PSMA3: variants seen among roughly 807,000 people sequenced by gnomAD.
PSMA3 encodes proteasome subunit alpha type-3.
PSMA3 carries 8 observed loss-of-function variants against 40.0 expected under a neutral mutation model. The observed-to-expected ratio is 0.20, with a 90% CI of 0.12 to 0.36. The LOEUF (loss-of-function observed/expected upper bound fraction) is 0.36. Ranked by LOEUF, PSMA3 falls within the 10% of genes least tolerant of loss-of-function variation. PSMA3 has a pLI of 1.00. For synonymous variants in PSMA3, 110 were observed against 100.0 expected, an observed-to-expected ratio of 1.10 and a Z score of -0.59; for missense variants, 219 against 310.6, an observed-to-expected ratio of 0.70 and a Z score of 2.22.
intron 3 of PSMA3, among the ~76,000 whole-genome samples, chr14:58,252,906 T>C (rs1361107306): frequency 6.6e-6 from 1 of 151,952 alleles, no homozygotes; most frequent in African/African-American, 2.4e-5. Context: ...TATTAGGTTT[T>C]ATGCTGGGAG....
At chr14:58,268,281 CTAAG>C (rs1425768745) in intron 8 of PSMA3, 1 of 152,112 alleles carries the variant, frequency 6.6e-6, no homozygotes, top group African/African-American at 2.4e-5. Context: ...CATAACAACT[CTAAG>C]TATTCCACAT....
chr14:58,260,997 A>C lies in PSMA3; in HGVS notation c.454A>C (p.Ile152Leu). 1 of 1,611,560 alleles carries C rather than the reference A, an allele frequency of 6.2e-7. No individual in the cohort carries two copies. The highest frequency in any genetic ancestry group is 8.5e-7 in the Non-Finnish European group (1 of 1,178,022). Residue 152 changes from isoleucine to leucine, a missense_variant, in exon 6 of 11, where the codon ATT becomes CTT. Physicochemically the swap from Ile to Leu is conservative, Grantham distance 5 (BLOSUM62 2). Coordinates refer to ENST00000216455, the MANE Select transcript of PSMA3 (RefSeq NM_002788.4). ...SVNDGAQLYM[I>L]DPSGVSYGYW... ...GAATGACGGTGCGCAACTCTACATG[A>C]TTGACCCATCAGGTGTTTCATACGT...
intron 5 of PSMA3, among the ~76,000 whole-genome samples, chr14:58,259,457 A>G (rs913615304): frequency 6.6e-6 from 1 of 152,004 alleles, no homozygotes; most frequent in Non-Finnish European, 1.5e-5. Flanking sequence ...AGGGATTACA[A>G]GCACCTGCCA....
intron 3 of PSMA3, among the ~76,000 whole-genome samples, chr14:58,255,345 GTACTT>G (rs1890118692): frequency 1.3e-5 from 2 of 152,228 alleles, no homozygotes; most frequent in African/African-American, 4.8e-5. Flanking sequence ...TTTTTGCACA[GTACTT>G]ACTTTTTTTC....
chr14:58,259,885 G>T (rs1890232466), intron 5 of PSMA3, among the ~76,000 whole-genome samples: 1 of 152,106 alleles, frequency 6.6e-6, no homozygotes, highest in South Asian at 2.1e-4. Flanking sequence ...TACTGATGTA[G>T]GAAGGGGTCC....
chr14:58,268,500 C>T (rs531153676), intron 8 of PSMA3, among the ~76,000 whole-genome samples: 9 of 152,220 alleles, frequency 5.9e-5, no homozygotes, highest in African/African-American at 9.6e-5. Context: ...TCCTCCCCTC[C>T]GCCCTCCTAG....
In PSMA3 at chr14:58,263,769, A is replaced by G. The variant is rs751062753; in HGVS notation, c.542A>G (p.Gln181Arg). Residue 181 changes from glutamine to arginine, a missense_variant and splice_region_variant, in exon 7 of 11, where the codon CAG becomes CGG. Gln to Arg is a conservative substitution (Grantham distance 43, BLOSUM62 1). Transcript: ENST00000216455. Reference protein sequence around the residue: ...QAAKTEIEKLQMKEMTCRDIV... With the variant: ...QAAKTEIEKLRMKEMTCRDIV... ...GCAAAGACGGAAATAGAGAAGCTTCAGGTAATAATTAATGCTTGAATTTTT... is the reference window on the plus strand; with the variant it reads ...GCAAAGACGGAAATAGAGAAGCTTCGGGTAATAATTAATGCTTGAATTTTT... 2 of 1,613,506 alleles carry G rather than the reference A, an allele frequency of 1.2e-6. No individual in the cohort carries two copies. The highest frequency in any genetic ancestry group is 1.7e-6 in the Non-Finnish European group (2 of 1,179,528).
At chr14:58,261,172 C>T in intron 6 of PSMA3, 152 bp downstream of exon 6, 1 of 588,106 alleles carries the variant, frequency 1.7e-6, no homozygotes, top group Non-Finnish European at 2.8e-6. Flanking sequence ...ACCTCTTGTC[C>T]AACAGAATTT....
At chr14:58,268,613 A>G (rs1269922375) in intron 8 of PSMA3, 2 of 152,196 alleles carry the variant, frequency 1.3e-5, no homozygotes, top group African/African-American at 4.8e-5. Flanking sequence ...GAAGTCAGAT[A>G]TCTTCCTTGA....
intron 7 of PSMA3, among the ~76,000 whole-genome samples, 156 bp downstream of exon 7, chr14:58,263,926 TA>T (rs113470609): frequency 1.1e-4 from 17 of 151,736 alleles, no homozygotes; most frequent in East Asian, 5.8e-4. Context: ...CTGATGAGCT[TA>T]AAAAAAAATC....
chr14:58,255,864 T>C (rs573061001), intron 3 of PSMA3, among the ~76,000 whole-genome samples: 2 of 152,338 alleles, frequency 1.3e-5, no homozygotes, highest in Admixed American at 6.5e-5. Flanking sequence ...GTTTTTGTTT[T>C]TGTTTTTGTT....
chr14:58,265,152 G>T (rs1334732211), intron 7 of PSMA3: 1 of 152,196 alleles, frequency 6.6e-6, no homozygotes, highest in Non-Finnish European at 1.5e-5. Flanking sequence ...CAGCTACTTG[G>T]GAGGCTGAGG....
rs191895929 is a variant in PSMA3, at chr14:58,247,567, G to A, written c.22-183G>A. Among the ~76,000 whole-genome samples the A allele has an allele frequency of 1.8e-4, 27 of 152,260 alleles. No homozygotes were observed. In the East Asian group the frequency reaches 5.0e-3, roughly 28 times the overall value. ...CCATTACTCTTCAATAGCTGAAATC[G>A]AAGGTATATAGCTTTATCTTAGCTA... On this transcript the variant is annotated intron_variant, in intron 1 of 10. Transcript: ENST00000216455.
At chr14:58,266,018 C>G in intron 7 of PSMA3, 1 of 152,184 alleles carries the variant, frequency 6.6e-6, no homozygotes, top group East Asian at 1.9e-4. Flanking sequence ...AGTCCATAAT[C>G]AAACTGCCTA....
intron 2 of PSMA3, among the ~76,000 whole-genome samples, chr14:58,249,271 CT>C (rs143479890): frequency 0.035 from 5,363 of 151,866 alleles, 138 homozygotes; most frequent in Middle Eastern, 0.075. Flanking sequence ...AAAAGTTCTT[CT>C]TTTTAAAGAT....
chr14:58,260,974 A>C lies in PSMA3; in HGVS notation c.431A>C (p.Asn144Thr). 4 of 1,612,974 alleles carry C rather than the reference A, an allele frequency of 2.5e-6. No individual in the cohort carries two copies. Among genetic ancestry groups the C allele is most frequent in the Non-Finnish European group, 3.4e-6 (4 of 1,179,196 alleles). ...CSFMLGSYSV[N>T]DGAQLYMIDP... is the part of the protein sequence containing the mutation. ...TTCATGTTAGGGTCTTACAGTGTGA[A>C]TGACGGTGCGCAACTCTACATGATT... The change falls in exon 6 of 11, where the codon AAT becomes ACT. Residue 144 changes from asparagine (N) to threonine (T), a missense_variant. By Grantham distance (65) the Asn-to-Thr change is moderately conservative. Coordinates refer to ENST00000216455, the MANE Select transcript of PSMA3 (RefSeq NM_002788.4).
At position 58,245,001 on chromosome 14, in the gene PSMA3, C is replaced by T. The variant is rs999487934; in HGVS notation, c.21+60C>T. 6.8e-6 allele frequency: 11 copies of T among 1,611,214 alleles called. No individual in the cohort carries two copies. In the Admixed American group the frequency reaches 1.7e-4, roughly 24 times the overall value. On this transcript the variant is annotated intron_variant, in intron 1 of 10. Coordinates refer to ENST00000216455, the MANE Select transcript of PSMA3 (RefSeq NM_002788.4). Reference sequence around the variant, plus strand: ...CTAAGGATTGGGGTTGAAGGGAACTCGGACAGACCACATGGGGTTCGCGGA... The same window carrying T: ...CTAAGGATTGGGGTTGAAGGGAACTTGGACAGACCACATGGGGTTCGCGGA...
In PSMA3 at chr14:58,260,243, A is replaced by G. The variant is rs955540243; in HGVS notation, c.405-705A>G. 3.3e-5 allele frequency among the ~76,000 whole-genome samples: 5 copies of G among 152,186 alleles called. 1 individual carries two copies. The highest frequency in any genetic ancestry group is 9.7e-5 in the African/African-American group (4 of 41,436). On this transcript the variant is annotated intron_variant, in intron 5 of 10. Coordinates refer to ENST00000216455, the MANE Select transcript of PSMA3 (RefSeq NM_002788.4). ...ATATAACCTGTGCATATCCTCCTGT[A>G]TGTTGTCATCTCTAGATTACTTGCA... is the stretch of plus-strand genomic sequence containing the variant.
intron 2 of PSMA3, among the ~76,000 whole-genome samples, chr14:58,251,461 T>TCGCCATGTTGCCCAGGCTC (rs1890008725): frequency 6.6e-6 from 1 of 152,168 alleles, no homozygotes; most frequent in Non-Finnish European, 1.5e-5. Flanking sequence ...AAGCCAGGTT[T>TCGCCATGTTGCCCAGGCTC]CGCCATGTTG....
Sources: gnomAD v4.1 joint callset for allele counts (sites outside exome capture counted in the v4.1 genomes callset) on GRCh38, gnomAD v4.1.1 for gene constraint, MANE v1.5 for transcripts, NCBI Gene and HGNC (gene_info 2026-07-23, HGNC 2026-07-21) for gene names.